Variants in PEX5L observed in about 807,000 individuals in gnomAD.
PEX5L encodes peroxisomal biogenesis factor 5 like.
A neutral mutation model predicts 84.0 loss-of-function variants in PEX5L; 30 were observed. That is an observed-to-expected ratio of 0.36 (90% CI 0.27 to 0.48). The LOEUF (loss-of-function observed/expected upper bound fraction) is 0.48, where lower values mean the gene tolerates loss of function less well. PEX5L is among the 20% of genes least tolerant of loss of function. The pLI is 0.99. For synonymous variants in PEX5L, 270 were observed against 283.1 expected, an observed-to-expected ratio of 0.95 and a Z score of 0.46; for missense variants, 533 against 754.6, an observed-to-expected ratio of 0.71 and a Z score of 3.44.
At chr3:179,995,790 C>T (rs556898059) in intron 1 of PEX5L, among the ~76,000 whole-genome samples, 1 of 152,270 alleles carries the variant, frequency 6.6e-6, no homozygotes, top group East Asian at 1.9e-4. Context: ...AAGCAAGTGG[C>T]TGACCTGCAA....
At chr3:179,885,273 C>T (rs934423842) in intron 4 of PEX5L, among the ~76,000 whole-genome samples, 4 of 152,108 alleles carry the variant, frequency 2.6e-5, no homozygotes, top group Admixed American at 6.5e-5. Context: ...GAAACAGTTT[C>T]ATTCGAGATA....
At chr3:179,844,836 A>G (rs943830570) in intron 8 of PEX5L, among the ~76,000 whole-genome samples, 1 of 152,180 alleles carries the variant, frequency 6.6e-6, no homozygotes, top group Admixed American at 6.5e-5. Flanking sequence ...TCTCAAAAAC[A>G]AAACAAAACA....
intron 5 of PEX5L, among the ~76,000 whole-genome samples, chr3:179,877,750 A>G (rs1752885902): frequency 6.6e-6 from 1 of 152,192 alleles, no homozygotes; most frequent in Non-Finnish European, 1.5e-5. Context: ...GAGCCACTGC[A>G]CCCAATCAAT....
At chr3:180,021,150 G>T (rs1269485186) in intron 1 of PEX5L, among the ~76,000 whole-genome samples, 2 of 152,162 alleles carry the variant, frequency 1.3e-5, no homozygotes, top group African/African-American at 4.8e-5. Context: ...GATTTTGAAG[G>T]ATAAGCAAGG....
chr3:179,978,339 T>C (rs1786008498), intron 1 of PEX5L, among the ~76,000 whole-genome samples: 1 of 152,188 alleles, frequency 6.6e-6, no homozygotes, highest in Non-Finnish European at 1.5e-5. Context: ...TCCATTAAGA[T>C]TACACAATCT....
chr3:179,880,237 A>G (rs1753762708), intron 4 of PEX5L, 114 bp from the exon 5 acceptor site: 6 of 590,006 alleles, frequency 1.0e-5, no homozygotes, highest in Non-Finnish European at 1.7e-5. Flanking sequence ...TTAGAATAAA[A>G]TTACGTTAGC....
intron 1 of PEX5L, among the ~76,000 whole-genome samples, chr3:180,024,901 T>G (rs1790807580): frequency 1.3e-5 from 2 of 152,110 alleles, no homozygotes; most frequent in African/African-American, 2.4e-5. Flanking sequence ...GCTGAAGTGG[T>G]GAAGAGGTGT....
At position 179,796,122 on chromosome 3, in the gene PEX5L, T is replaced by C. The variant is rs890783217; in HGVS notation, c.*5706A>G. 3 of 152,182 alleles carry C rather than the reference T, an allele frequency of 2.0e-5. No homozygotes were observed. Among genetic ancestry groups the C allele is most frequent in the African/African-American group, 7.2e-5 (3 of 41,450 alleles). The allele number at this position is 152,182 out of a possible 1,614,324, so 9.4% of individuals were successfully genotyped here. A position where few individuals can be genotyped will look rare whatever the true frequency, so the allele number is the denominator to read the frequency against. On this transcript the variant is annotated 3_prime_UTR_variant, in exon 15 of 15. Transcript: ENST00000467460. ...CTCGAATTACCGAGCTGAGTGTGTATACCTCTTAGTCTTTTTGTGTTATAC... is the reference window on the plus strand; with the variant it reads ...CTCGAATTACCGAGCTGAGTGTGTACACCTCTTAGTCTTTTTGTGTTATAC...
intron 2 of PEX5L, among the ~76,000 whole-genome samples, chr3:179,924,768 T>C (rs1333461483): frequency 6.6e-6 from 1 of 152,172 alleles, no homozygotes; most frequent in African/African-American, 2.4e-5. Context: ...TCCTTATACC[T>C]TAAGTGTATT....
intron 2 of PEX5L, among the ~76,000 whole-genome samples, chr3:179,919,869 AT>A: frequency 6.6e-6 from 1 of 152,016 alleles, no homozygotes; most frequent in South Asian, 2.1e-4. Context: ...TGCTCAGCTA[AT>A]TTTTGTATTT....
At chr3:179,863,825 G>C (rs1747137153) in intron 7 of PEX5L, among the ~76,000 whole-genome samples, 2 of 152,106 alleles carry the variant, frequency 1.3e-5, no homozygotes, top group Non-Finnish European at 2.9e-5. Flanking sequence ...TTCCACTACT[G>C]GGTATATATC....
At chr3:180,032,401 C>G (rs1238139430) in intron 1 of PEX5L, among the ~76,000 whole-genome samples, 1 of 152,182 alleles carries the variant, frequency 6.6e-6, no homozygotes, top group Non-Finnish European at 1.5e-5. Flanking sequence ...TGCTCACTCT[C>G]CTGAAAATGC....
intron 1 of PEX5L, among the ~76,000 whole-genome samples, chr3:179,972,654 T>C (rs1785051477): frequency 6.6e-6 from 1 of 152,186 alleles, no homozygotes; most frequent in Admixed American, 6.5e-5. Context: ...ATCTACTGTG[T>C]CATATTAGGG....
chr3:179,938,312 G>A (rs557541899), intron 2 of PEX5L, among the ~76,000 whole-genome samples: 2 of 152,246 alleles, frequency 1.3e-5, no homozygotes, highest in South Asian at 4.1e-4. Flanking sequence ...TGCTAATGAA[G>A]GCACCCTGTC....
chr3:180,025,864 C>T (rs1790902297), intron 1 of PEX5L, among the ~76,000 whole-genome samples: 1 of 152,102 alleles, frequency 6.6e-6, no homozygotes, highest in Non-Finnish European at 1.5e-5. Context: ...ATTCTAAGAC[C>T]CTTATACCTT....
At chr3:180,001,370 G>GAT (rs1267132730) in intron 1 of PEX5L, among the ~76,000 whole-genome samples, 370 of 147,198 alleles carry the variant, frequency 2.5e-3, no homozygotes, top group African/African-American at 7.8e-3. Context: ...ATATATAGAA[G>GAT]ATATATATAT....
chr3:180,033,075 C>A (rs933540199), intron 1 of PEX5L, among the ~76,000 whole-genome samples: 2 of 152,154 alleles, frequency 1.3e-5, no homozygotes, highest in Admixed American at 6.5e-5. Flanking sequence ...GGGGCGAGAT[C>A]TAATGTACTA....
intron 1 of PEX5L, among the ~76,000 whole-genome samples, chr3:180,024,373 T>TATATATATATATATATATATATATACAC (rs1396023654): frequency 5.1e-5 from 4 of 79,022 alleles, no homozygotes; most frequent in African/African-American, 2.9e-4. Flanking sequence ...TATATATATA[T>TATATATATATATATATATATATATACAC]ACACACACAA....
intron 1 of PEX5L, among the ~76,000 whole-genome samples, chr3:179,983,545 C>A (rs986406805): frequency 2.0e-5 from 3 of 151,874 alleles, no homozygotes; most frequent in African/African-American, 7.3e-5. Flanking sequence ...ATCTTGTTAG[C>A]ACCTTGGCAT....
Sources: allele counts gnomAD v4.1 joint callset (sites outside exome capture counted in the v4.1 genomes callset), GRCh38; gene constraint gnomAD v4.1.1; transcripts MANE v1.5; gene names NCBI Gene and HGNC (gene_info 2026-07-23, HGNC 2026-07-21).